Variants in ZNF573 observed in about 807,000 individuals in gnomAD.
The protein encoded by ZNF573 is zinc finger protein 573.
ZNF573 carries 41 observed loss-of-function variants against 57.4 expected under a neutral mutation model. The observed-to-expected ratio is 0.71, with a 90% confidence interval of 0.56 to 0.93. The LOEUF (loss-of-function observed/expected upper bound fraction) is 0.93, where lower values mean the gene tolerates loss of function less well. Ranked by LOEUF, ZNF573 falls within the 40% of genes least tolerant of loss-of-function variation. The pLI is 0.00. For missense variants in ZNF573, 730 were observed against 794.8 expected, an observed-to-expected ratio of 0.92 and a Z score of 0.98; for synonymous variants, 249 against 261.0, an observed-to-expected ratio of 0.95 and a Z score of 0.44.
In ZNF573 at chr19:37,739,357, T is replaced by A; in HGVS notation, c.1133A>T (p.Asn378Ile). Residue 378 changes from asparagine (N) to isoleucine (I), a missense_variant, in exon 5 of 5, where the codon AAT becomes ATT. Physicochemically the swap from Asn to Ile is moderately radical, Grantham distance 149. Transcript: ENST00000536220. ...TLYRNLTRHQ[N>I]IHTGEKLFEC... ...AAAAAGTTTCTCACCAGTATGAATA[T>A]TCTGATGCCGAGTAAGATTTCTATA... is the stretch of plus-strand genomic sequence containing the variant. 6.2e-7 allele frequency: 1 copy of A among 1,613,982 alleles called. No individual in the cohort carries two copies. Among genetic ancestry groups the A allele is most frequent in the Non-Finnish European group, 8.5e-7 (1 of 1,179,972 alleles).
intron 4 of ZNF573, among the ~76,000 whole-genome samples, chr19:37,760,201 T>A (rs1330151486): frequency 6.6e-6 from 1 of 152,130 alleles, no homozygotes; most frequent in African/African-American, 2.4e-5. Context: ...TAAGCCTAGA[T>A]CTGGATTTCT....
intron 4 of ZNF573, among the ~76,000 whole-genome samples, chr19:37,760,816 T>C (rs2045544771): frequency 6.7e-6 from 1 of 150,200 alleles, no homozygotes; most frequent in Non-Finnish European, 1.5e-5. Flanking sequence ...AGTAAGAGTC[T>C]GTCTGAAGAA....
chr19:37,740,493 A>C, intron 4 of ZNF573: 1 of 458,042 alleles, frequency 2.2e-6, no homozygotes, highest in South Asian at 1.8e-5. Context: ...TAAAACTGAG[A>C]GGAGAGAAAC....
chr19:37,748,272 A>G (rs1226376131), intron 4 of ZNF573, among the ~76,000 whole-genome samples: 1 of 152,244 alleles, frequency 6.6e-6, no homozygotes, highest in Admixed American at 6.5e-5. Flanking sequence ...TTTGACAAAC[A>G]TACTTTATGT....
chr19:37,740,028 C>T lies in ZNF573; in HGVS notation c.462G>A (p.Arg154=). The change falls in exon 5 of 5, where the codon AGG becomes AGA. Residue 154 remains arginine, a synonymous_variant. Transcript: ENST00000536220. ...SSGYQLILHH[R]FHVIERPYEC... is the part of the protein sequence containing the mutation. Reference sequence around the variant, plus strand: ...CATAGGGTCTCTCAATGACATGAAACCTGTGATGTAGAATAAGTTGATAAC... The same window carrying T: ...CATAGGGTCTCTCAATGACATGAAATCTGTGATGTAGAATAAGTTGATAAC... 1.2e-6 allele frequency: 2 copies of T among 1,614,096 alleles called. No individual in the cohort carries two copies. Among genetic ancestry groups the T allele is most frequent in the Non-Finnish European group, 1.7e-6 (2 of 1,179,998 alleles).
intron 4 of ZNF573, among the ~76,000 whole-genome samples, chr19:37,759,693 A>G (rs1007907712): frequency 2.6e-5 from 4 of 152,132 alleles, no homozygotes; most frequent in African/African-American, 7.2e-5. Flanking sequence ...GCGCCACTGC[A>G]CTCCAGCCTG....
At chr19:37,740,277 A>C in intron 4 of ZNF573, 83 bp from the exon 5 acceptor site, 1 of 1,287,236 alleles carries the variant, frequency 7.8e-7, no homozygotes, top group Non-Finnish European at 1.1e-6. Context: ...AAAAACCAAC[A>C]TTCATAATAA....
At chr19:37,774,426 C>CTA (rs2045689218) in intron 1 of ZNF573, among the ~76,000 whole-genome samples, 1 of 152,086 alleles carries the variant, frequency 6.6e-6, no homozygotes, top group Non-Finnish European at 1.5e-5. Context: ...CAGGCATGTG[C>CTA]TACCGCGCCT....
rs1459502507 is a variant in ZNF573 at position 37,770,218 on chromosome 19, G to C, written c.203-121C>G. 4.0e-6 allele frequency: 3 copies of C among 753,088 alleles called. No individual in the cohort carries two copies. The African/African-American group carries it at 5.4e-5, about 14-fold the overall frequency. 46.7% of individuals were successfully genotyped at this position (753,088 alleles called of 1,614,324 possible). On this transcript the variant is annotated intron_variant, in intron 3 of 4. Coordinates refer to ENST00000536220, the MANE Select transcript of ZNF573 (RefSeq NM_001172690.2). ...CAAATAAAAGAGGGGTGAGATGATT[G>C]AAGAAATGAAACAGGCACAGTAAAA...
chr19:37,740,241 A>G, intron 4 of ZNF573, 47 bp from the exon 5 acceptor site: 2 of 1,479,420 alleles, frequency 1.4e-6, no homozygotes, highest in Non-Finnish European at 1.8e-6. Flanking sequence ...TCTATACCAG[A>G]GAACAAGAAA....
At chr19:37,754,664 T>A (rs1377243289) in intron 4 of ZNF573, among the ~76,000 whole-genome samples, 14 of 145,474 alleles carry the variant, frequency 9.6e-5, no homozygotes, top group South Asian at 4.3e-4. Context: ...AGATTTCATT[T>A]AAAAAAAAAA....
At chr19:37,748,053 G>A (rs1452899852) in intron 4 of ZNF573, among the ~76,000 whole-genome samples, 1 of 152,118 alleles carries the variant, frequency 6.6e-6, no homozygotes, top group Non-Finnish European at 1.5e-5. Context: ...TGGATTGGGA[G>A]AACACTACTG....
intron 4 of ZNF573, among the ~76,000 whole-genome samples, chr19:37,756,204 A>T (rs1007859644): frequency 6.6e-6 from 1 of 152,204 alleles, no homozygotes. Context: ...TCAGAATAAG[A>T]GATCTTTAGA....
chr19:37,769,902 C>G, intron 4 of ZNF573, 103 bp downstream of exon 4: 1 of 943,438 alleles, frequency 1.1e-6, no homozygotes, highest in Non-Finnish European at 1.7e-6. Flanking sequence ...CTCCACAAGT[C>G]TGGGTGCCTT....
chr19:37,752,536 ATG>A (rs1466585714), intron 4 of ZNF573, among the ~76,000 whole-genome samples: 8 of 152,212 alleles, frequency 5.3e-5, no homozygotes, highest in African/African-American at 1.9e-4. Context: ...CCTTTTTTAT[ATG>A]CAGAATAAGC....
chr19:37,772,902 TG>T (rs1186450504), intron 2 of ZNF573: 9 of 978,806 alleles, frequency 9.2e-6, no homozygotes, highest in African/African-American at 1.8e-5. Flanking sequence ...CCCACAGTGC[TG>T]GGATTACAGG....
Position 37,739,006 on chromosome 19 carries a change from T to C in ZNF573, c.1484A>G (p.Glu495Gly), listed in dbSNP as rs2045292046. ...LIQHRKTHTG[E>G]KPYKCKECGK... is the part of the protein sequence containing the mutation. ...ACATTCCTTACATTTATAGGGTTTC[T>C]CACCAGTATGAGTTTTCCGATGTTG... The change falls in exon 5 of 5, where the codon GAG becomes GGG. Residue 495 changes from glutamate (E) to glycine (G), a missense_variant. Physicochemically the swap from Glu to Gly is moderately conservative, Grantham distance 98 (BLOSUM62 -2). Coordinates refer to ENST00000536220, the MANE Select transcript of ZNF573 (RefSeq NM_001172690.2). 1.2e-6 allele frequency: 2 copies of C among 1,613,676 alleles called. No individual in the cohort carries two copies. The highest frequency in any genetic ancestry group is 2.2e-5 in the East Asian group (1 of 44,884).
intron 4 of ZNF573, among the ~76,000 whole-genome samples, chr19:37,761,319 TCA>T (rs1040096909): frequency 6.6e-6 from 1 of 152,160 alleles, no homozygotes; most frequent in African/African-American, 2.4e-5. Context: ...TTCCTGGGAC[TCA>T]CAAAATAATA....
At chr19:37,764,017 C>T (rs1324215178) in intron 4 of ZNF573, among the ~76,000 whole-genome samples, 4 of 147,214 alleles carry the variant, frequency 2.7e-5, no homozygotes, top group Non-Finnish European at 4.4e-5. Context: ...GAGCCAAGAT[C>T]GCACCTTTTC....
Sources: gnomAD v4.1 joint callset for allele counts (sites outside exome capture counted in the v4.1 genomes callset) on GRCh38, gnomAD v4.1.1 for gene constraint, MANE v1.5 for transcripts, NCBI Gene and HGNC (gene_info 2026-07-23, HGNC 2026-07-21) for gene names.